NAV2: variants seen among roughly 807,000 people sequenced by gnomAD.
The protein encoded by NAV2 is helicase, APC down-regulated 1.
Under a neutral mutation model 223.2 loss-of-function variants are expected in NAV2, and 54 were observed. The observed-to-expected ratio is 0.24, with a 90% CI of 0.19 to 0.30. The LOEUF (loss-of-function observed/expected upper bound fraction) is 0.30. NAV2 is among the 10% of genes least tolerant of loss of function. The pLI is 1.00. For synonymous variants in NAV2, 1,279 were observed against 1,239.3 expected (o/e 1.03, Z -0.67); for missense variants, 2,806 against 3,147.5 (o/e 0.89, Z 2.60).
intron 3 of NAV2, among the ~76,000 whole-genome samples, chr11:19,862,880 A>G (rs969710012): frequency 3.0e-4 from 46 of 152,226 alleles, no homozygotes; most frequent in African/African-American, 1.0e-3. Flanking sequence ...ATTTCCCTAA[A>G]GTTCATTTTG....
intron 3 of NAV2, among the ~76,000 whole-genome samples, chr11:19,844,771 C>T (rs1444010669): frequency 1.3e-5 from 2 of 151,388 alleles, no homozygotes; most frequent in Non-Finnish European, 2.9e-5. Context: ...CTCTTTCAGC[C>T]ATGCCAGTGC....
intron 1 of NAV2, among the ~76,000 whole-genome samples, chr11:19,660,872 C>G (rs547610779): frequency 6.6e-6 from 1 of 152,226 alleles, no homozygotes; most frequent in South Asian, 2.1e-4. Flanking sequence ...TGTGCAAATG[C>G]TCTAAAAATT....
At chr11:19,609,705 G>A (rs999236207) in intron 1 of NAV2, among the ~76,000 whole-genome samples, 3 of 152,172 alleles carry the variant, frequency 2.0e-5, no homozygotes, top group South Asian at 4.2e-4. Context: ...GGAGGGAGGG[G>A]GTTATTACCA....
chr11:19,559,912 T>C (rs767627227), intron 1 of NAV2, among the ~76,000 whole-genome samples: 4 of 152,088 alleles, frequency 2.6e-5, no homozygotes, highest in Non-Finnish European at 5.9e-5. Flanking sequence ...TGGGGGCGGA[T>C]AGATGGACAG....
At chr11:19,760,645 C>T (rs7118473) in intron 1 of NAV2, among the ~76,000 whole-genome samples, 63,468 of 151,894 alleles carry the variant, frequency 0.42, 14,785 homozygotes, top group African/African-American at 0.63. Flanking sequence ...GCAAACGGCA[C>T]CTTTTCAAAA....
intron 6 of NAV2, among the ~76,000 whole-genome samples, chr11:19,902,385 T>C (rs1240222317): frequency 6.6e-6 from 1 of 151,998 alleles, no homozygotes; most frequent in Non-Finnish European, 1.5e-5. Flanking sequence ...AATGCCACCA[T>C]GTTTGTTTGT....
chr11:19,762,113 C>T lies in NAV2; in HGVS notation c.267+48151C>T, dbSNP rs186404363. On this transcript the variant is annotated intron_variant, in intron 1 of 37. Coordinates refer to ENST00000349880, the MANE Select transcript of NAV2 (RefSeq NM_145117.5). ...CAAAAATTAGCCAGGCATGGTGGCA[C>T]GTCCCTGTAATCCCAGCTACCCAGG... Among the ~76,000 whole-genome samples the T allele has an allele frequency of 1.6e-4, 24 of 152,240 alleles. No individual in the cohort carries two copies. The East Asian group carries it at 4.3e-3, about 27-fold the overall frequency.
chr11:19,823,488 G>T (rs941623371), intron 1 of NAV2, among the ~76,000 whole-genome samples: 1 of 152,160 alleles, frequency 6.6e-6, no homozygotes, highest in South Asian at 2.1e-4. Context: ...ATTTACAGGC[G>T]TGAGCCACCG....
chr11:19,475,953 A>G (rs2042100677), intron 1 of NAV2, among the ~76,000 whole-genome samples: 2 of 152,150 alleles, frequency 1.3e-5, no homozygotes, highest in South Asian at 4.2e-4. Flanking sequence ...CCTGAAGTCG[A>G]GTGTCAGTTG....
intron 1 of NAV2, among the ~76,000 whole-genome samples, chr11:19,682,068 C>T (rs1245616059): frequency 2.0e-5 from 3 of 152,168 alleles, no homozygotes; most frequent in Non-Finnish European, 2.9e-5. Flanking sequence ...CCCACTACCA[C>T]CAGAGCATCA....
At chr11:19,798,966 C>T (rs1345197063) in intron 1 of NAV2, among the ~76,000 whole-genome samples, 2 of 152,188 alleles carry the variant, frequency 1.3e-5, no homozygotes, top group Non-Finnish European at 2.9e-5. Context: ...CACACATCCC[C>T]TCCACTCCGC....
At chr11:19,396,874 T>A (rs928283688) in intron 1 of NAV2, among the ~76,000 whole-genome samples, 3 of 152,242 alleles carry the variant, frequency 2.0e-5, no homozygotes, top group Non-Finnish European at 4.4e-5. Flanking sequence ...AGGCAAGGCA[T>A]CCTTCATGAC....
chr11:19,635,579 C>T (rs1181152144), intron 1 of NAV2, among the ~76,000 whole-genome samples: 4 of 152,044 alleles, frequency 2.6e-5, no homozygotes, highest in Non-Finnish European at 5.9e-5. Flanking sequence ...CATGGCAGAA[C>T]GTGGAAGGGA....
intron 1 of NAV2, among the ~76,000 whole-genome samples, chr11:19,582,736 G>A (rs1211685332): frequency 2.6e-5 from 4 of 151,970 alleles, no homozygotes; most frequent in Admixed American, 1.3e-4. Flanking sequence ...TCTCTGTTTT[G>A]GTACCAGTAC....
intron 1 of NAV2, among the ~76,000 whole-genome samples, chr11:19,669,284 T>G (rs2048512422): frequency 6.6e-6 from 1 of 152,220 alleles, no homozygotes; most frequent in Non-Finnish European, 1.5e-5. Context: ...TCTCATCTAC[T>G]CCATTTCATC....
At chr11:19,412,691 C>T (rs1015801786) in intron 1 of NAV2, among the ~76,000 whole-genome samples, 1 of 152,178 alleles carries the variant, frequency 6.6e-6, no homozygotes, top group Non-Finnish European at 1.5e-5. Flanking sequence ...TGGCATCTGG[C>T]GAGTGCCCCT....
chr11:19,832,400 A>C, intron 1 of NAV2, 84 bp from the exon 2 acceptor site: 1 of 994,880 alleles, frequency 1.0e-6, no homozygotes. Flanking sequence ...GACAGTGGCC[A>C]CTGTGCCGGC....
chr11:19,754,007 A>G (rs1037063368), intron 1 of NAV2, among the ~76,000 whole-genome samples: 2 of 152,226 alleles, frequency 1.3e-5, no homozygotes, highest in African/African-American at 4.8e-5. Context: ...CAGCATAGCA[A>G]TTGTTTTCAC....
chr11:19,533,425 A>G (rs2044087181), intron 1 of NAV2, among the ~76,000 whole-genome samples: 1 of 152,024 alleles, frequency 6.6e-6, no homozygotes, highest in Admixed American at 6.6e-5. Flanking sequence ...AGGCTGACAA[A>G]CATTGGTGTA....
Sources: allele counts gnomAD v4.1 joint callset (sites outside exome capture counted in the v4.1 genomes callset), GRCh38; gene constraint gnomAD v4.1.1; transcripts MANE v1.5; gene names NCBI Gene and HGNC (gene_info 2026-07-23, HGNC 2026-07-21).